HK3: variants seen among roughly 807,000 people sequenced by gnomAD.
HK3 encodes the protein hexokinase 3.
A neutral mutation model predicts 91.0 loss-of-function variants in HK3; 93 were observed. That is an observed-to-expected ratio of 1.02 (90% CI 0.86 to 1.21). The LOEUF (loss-of-function observed/expected upper bound fraction) is 1.21, where lower values mean the gene tolerates loss of function less well. Ranked by LOEUF, HK3 falls within the 50% of genes most tolerant of loss-of-function variation. The pLI is 0.00. For missense variants in HK3, 1,235 were observed against 1,247.4 expected (o/e 0.99, Z 0.15); for synonymous variants, 519 against 516.9 (o/e 1.00, Z -0.06).
chr5:176,897,221 G>A (rs1320656816), intron 1 of HK3, among the ~76,000 whole-genome samples: 2 of 152,202 alleles, frequency 1.3e-5, no homozygotes, highest in Non-Finnish European at 2.9e-5. Context: ...CAGTTCTTGT[G>A]AGGATTAAAG....
In HK3 at chr5:176,884,209, A is replaced by G; in HGVS notation, c.1858-75T>C. 8.3e-7 allele frequency: 1 copy of G among 1,207,604 alleles called. No individual in the cohort carries two copies. Among genetic ancestry groups the G allele is most frequent in the African/African-American group, 1.5e-5 (1 of 67,268 alleles). The allele number at this position is 1,207,604 out of a possible 1,614,324, so 74.8% of individuals were successfully genotyped here. The stretch of plus-strand genomic sequence containing the variant: ...CTCACTCTGCCTCTGCAAAACCTGC[A>G]TCCATCACAAGCCTAGGCTTTCCAC... On this transcript the variant is annotated intron_variant, in intron 13 of 18. Transcript: ENST00000292432. The surrounding 1 kb of genome is among the most constrained non-coding windows in gnomAD (Gnocchi z 4.1).
Position 176,887,094 on chromosome 5 carries a change from C to G in HK3, c.1765G>C (p.Val589Leu). 1 of 1,613,986 alleles carries G rather than the reference C, an allele frequency of 6.2e-7. No homozygotes were observed. The highest frequency in any genetic ancestry group is 8.5e-7 in the Non-Finnish European group (1 of 1,179,820). The change falls in exon 13 of 19, where the codon GTG becomes CTG. Residue 589 changes from valine (V) to leucine (L), a missense_variant. Coordinates refer to ENST00000292432, the MANE Select transcript of HK3 (RefSeq NM_002115.3). The surrounding 1 kb of genome is among the most constrained non-coding windows in gnomAD (Gnocchi z 4.9). Reference protein sequence around the residue: ...QLFDHIVDCIVDFQQKQGLSG... With the variant: ...QLFDHIVDCILDFQQKQGLSG... Reference sequence around the variant, plus strand: ...AGGCCCTGCTTCTGCTGGAAGTCCACGATGCAGTCCACGATGTGGTCAAAG... The same window carrying G: ...AGGCCCTGCTTCTGCTGGAAGTCCAGGATGCAGTCCACGATGTGGTCAAAG...
In HK3 at chr5:176,881,194, G is replaced by C; in HGVS notation, c.2651C>G (p.Thr884Arg). Reference sequence around the variant, plus strand: ...ACAGCGAGGGGCCAGCTCCCGCACTGTGGCCGCCACCAGGCTGGAGAAGCT... The same window carrying C: ...ACAGCGAGGGGCCAGCTCCCGCACTCTGGCCGCCACCAGGCTGGAGAAGCT... ...HPRFSSLVAATVRELAPRCVV... is the reference protein window; with the variant it reads ...HPRFSSLVAARVRELAPRCVV... Residue 884 changes from threonine to arginine, a missense_variant, in exon 19 of 19, where the codon ACA becomes AGA. This residue lies in a region of HK3 where 513 missense variants were observed against 477.4 expected (regional missense o/e 1.07). Transcript: ENST00000292432. 2 of 1,613,178 alleles carry C rather than the reference G, an allele frequency of 1.2e-6. No homozygotes were observed. The highest frequency in any genetic ancestry group is 1.7e-6 in the Non-Finnish European group (2 of 1,179,938).
In HK3 at chr5:176,887,617, G is replaced by A; in HGVS notation, c.1434C>T (p.Ala478=). The part of the protein sequence containing the change: ...MVTAVAARLA[A]HRRLLEETLA... ...GGGTCTCCTCCAGCAGGCGCCGGTG[G>A]GCAGCCAGACGGGCAGCCACGGCAG... Residue 478 remains alanine, a synonymous_variant, in exon 11 of 19, where the codon GCC becomes GCT. Coordinates refer to ENST00000292432, the MANE Select transcript of HK3 (RefSeq NM_002115.3). This position sits in a 1 kb window ranked among gnomAD's most constrained non-coding sequence, Gnocchi z 4.9. 1 of 1,613,734 alleles carries A rather than the reference G, an allele frequency of 6.2e-7. No homozygotes were observed. The highest frequency in any genetic ancestry group is 8.5e-7 in the Non-Finnish European group (1 of 1,179,982).
chr5:176,881,888 C>G, intron 16 of HK3, 41 bp from the exon 17 acceptor site: 1 of 1,611,992 alleles, frequency 6.2e-7, no homozygotes, highest in South Asian at 1.1e-5. Flanking sequence ...GCCCCACCAG[C>G]CACCATCCCC....
Position 176,889,584 on chromosome 5 carries a change from C to G in HK3, c.731-20G>C, listed in dbSNP as rs777212311. The G allele has an allele frequency of 3.1e-6, 5 of 1,614,158 alleles. No homozygotes were observed. Among genetic ancestry groups the G allele is most frequent in the Admixed American group, 3.3e-5 (2 of 60,038 alleles). ...CCGTGTCTGGCAGAGACAACCCTGT[C>G]AAGGCCTGCTAGCCAGGCAGCACAC... On this transcript the variant is annotated intron_variant, in intron 7 of 18. Coordinates refer to ENST00000292432, the MANE Select transcript of HK3 (RefSeq NM_002115.3).
chr5:176,884,477 T>C lies in HK3; in HGVS notation c.1858-343A>G, dbSNP rs1758530102. Among the ~76,000 whole-genome samples, 1 of 152,196 alleles carries C rather than the reference T, an allele frequency of 6.6e-6. No individual in the cohort carries two copies. Among genetic ancestry groups the C allele is most frequent in the Admixed American group, 6.5e-5 (1 of 15,280 alleles). On this transcript the variant is annotated intron_variant, in intron 13 of 18. Transcript: ENST00000292432. The surrounding 1 kb of genome is among the most constrained non-coding windows in gnomAD (Gnocchi z 4.1). ...CAGAGCTGGTAAAGTGAGTGCTGTG[T>C]GTGAGACAGGGGAGGACAGAGAAGG...
intron 2 of HK3, among the ~76,000 whole-genome samples, 159 bp from the exon 3 acceptor site, chr5:176,891,709 T>C (rs1345634367): frequency 6.6e-6 from 1 of 152,192 alleles, no homozygotes; most frequent in Non-Finnish European, 1.5e-5. Flanking sequence ...TCTGGCATCC[T>C]CAGAAGGCTC....
In HK3 at chr5:176,887,772, G is replaced by C. The variant is rs750884025; in HGVS notation, c.1305-26C>G. ...CTACAGATACATACAGGTGCACCCG[G>C]CTTGGCCCTGGACCCCCAGACACAC... On this transcript the variant is annotated intron_variant, in intron 10 of 18. Coordinates refer to ENST00000292432, the MANE Select transcript of HK3 (RefSeq NM_002115.3). The surrounding 1 kb of genome is among the most constrained non-coding windows in gnomAD (Gnocchi z 4.9). 1 of 1,576,748 alleles carries C rather than the reference G, an allele frequency of 6.3e-7. No individual in the cohort carries two copies. Among genetic ancestry groups the C allele is most frequent in the Non-Finnish European group, 8.6e-7 (1 of 1,157,458 alleles).
At chr5:176,897,467 T>C (rs1256976386) in intron 1 of HK3, among the ~76,000 whole-genome samples, 1 of 152,012 alleles carries the variant, frequency 6.6e-6, no homozygotes, top group African/African-American at 2.4e-5. Flanking sequence ...TCTGGAAATA[T>C]AGTACCTTCC....
chr5:176,894,573 A>G (rs479270), intron 2 of HK3, among the ~76,000 whole-genome samples: 18,439 of 152,106 alleles, frequency 0.12, 2,228 homozygotes, highest in African/African-American at 0.31. Flanking sequence ...GCTGTGGGTC[A>G]GGCACAGAAG....
rs746841412 is a variant in HK3 at position 176,881,332 on chromosome 5, A to AC, written c.2596dup (p.Val866GlyfsTer65). 24 of 1,613,138 alleles carry AC rather than the reference A, an allele frequency of 1.5e-5. No individual in the cohort carries two copies. The East Asian group carries it at 1.8e-4, about 12-fold the overall frequency. On this transcript the variant is annotated frameshift_variant, in exon 18 of 19. Transcript: ENST00000292432. LOFTEE classifies it high-confidence loss of function. ...GTGCAGCTTGTAGAGCGTTCCATCCACCCCCACAGACACTGCCAGCTCTTC... is the reference window on the plus strand; with the variant it reads ...GTGCAGCTTGTAGAGCGTTCCATCCACCCCCCACAGACACTGCCAGCTCTTC...
In HK3 at chr5:176,887,039, G is replaced by A. The variant is rs1758605536; in HGVS notation, c.1820C>T (p.Thr607Ile). The A allele has an allele frequency of 6.2e-7, 1 of 1,614,176 alleles. No homozygotes were observed. Among genetic ancestry groups the A allele is most frequent in the Non-Finnish European group, 8.5e-7 (1 of 1,180,038 alleles). ...LSGQSLPLGF[T>I]FSFPCRQLGL... Reference sequence around the variant, plus strand: ...AAGCTGCCTACATGGGAAGGAGAAGGTAAAACCCAGTGGGAGGCTCTGCCC... The same window carrying A: ...AAGCTGCCTACATGGGAAGGAGAAGATAAAACCCAGTGGGAGGCTCTGCCC... The change falls in exon 13 of 19, where the codon ACC becomes ATC. Residue 607 changes from threonine to isoleucine, a missense_variant. Thr to Ile is a moderately conservative substitution (Grantham distance 89). Transcript: ENST00000292432. The surrounding 1 kb of genome is among the most constrained non-coding windows in gnomAD (Gnocchi z 4.9).
At position 176,887,110 on chromosome 5, in the gene HK3, G is replaced by A. The variant is rs754718959; in HGVS notation, c.1749C>T (p.His583=). 4 of 1,614,222 alleles carry A rather than the reference G, an allele frequency of 2.5e-6. No homozygotes were observed. Among genetic ancestry groups the A allele is most frequent in the South Asian group, 2.2e-5 (2 of 91,086 alleles). The change falls in exon 13 of 19, where the codon CAC becomes CAT. Residue 583 remains histidine (H), a synonymous_variant. Transcript: ENST00000292432. The surrounding 1 kb of genome is among the most constrained non-coding windows in gnomAD (Gnocchi z 4.9). Reference sequence around the variant, plus strand: ...GGAAGTCCACGATGCAGTCCACGATGTGGTCAAAGAGCTGTGGGGCAGGAC... The same window carrying A: ...GGAAGTCCACGATGCAGTCCACGATATGGTCAAAGAGCTGTGGGGCAGGAC... ...AQGSGQQLFD[H]IVDCIVDFQQ...
chr5:176,882,194 C>T (rs1326423419), intron 15 of HK3, 67 bp from the exon 16 acceptor site: 1 of 1,546,314 alleles, frequency 6.5e-7, no homozygotes, highest in Non-Finnish European at 8.8e-7. Flanking sequence ...GAGCACTTCC[C>T]ATACCGAGAT....
In HK3 at chr5:176,888,879, G is replaced by C. The variant is rs73341829; in HGVS notation, c.915-15C>G. The C allele has an allele frequency of 1.9e-6, 3 of 1,607,722 alleles. No homozygotes were observed. The highest frequency in any genetic ancestry group is 2.7e-5 in the African/African-American group (2 of 74,646). Reference sequence around the variant, plus strand: ...TCTTCTCAAACCTGCAGGGGGGAAGGGTGGCTGGAGGAAGCCTTTTCTAAG... The same window carrying C: ...TCTTCTCAAACCTGCAGGGGGGAAGCGTGGCTGGAGGAAGCCTTTTCTAAG... On this transcript the variant is annotated splice_polypyrimidine_tract_variant and intron_variant, in intron 8 of 18. Coordinates refer to ENST00000292432, the MANE Select transcript of HK3 (RefSeq NM_002115.3).
At chr5:176,883,293 A>G (rs1194508304) in intron 15 of HK3, among the ~76,000 whole-genome samples, 1 of 152,162 alleles carries the variant, frequency 6.6e-6, no homozygotes, top group African/African-American at 2.4e-5. Context: ...CTCATTGCTC[A>G]TTGGTCCCCT....
Position 176,882,018 on chromosome 5 carries a change from A to C in HK3, c.2163T>G (p.Asp721Glu). ...INMEWGAFGD[D>E]GSLAMLSTRF... ...GGGTGCTGAGCATGGCCAGAGAGCC[A>C]TCGTCCCCAAAGGCGCCCCACTCCA... Residue 721 changes from aspartate (D) to glutamate (E), a missense_variant, in exon 16 of 19, where the codon GAT (aspartate) becomes GAG (glutamate). Transcript: ENST00000292432. 1 of 1,613,284 alleles carries C rather than the reference A, an allele frequency of 6.2e-7. No individual in the cohort carries two copies. Among genetic ancestry groups the C allele is most frequent in the Non-Finnish European group, 8.5e-7 (1 of 1,180,014 alleles).
At chr5:176,894,083 G>A (rs1436755622) in intron 2 of HK3, among the ~76,000 whole-genome samples, 2 of 152,202 alleles carry the variant, frequency 1.3e-5, no homozygotes, top group Admixed American at 1.3e-4. Context: ...CAAACCTGAA[G>A]TGGAGGAACA....
Sources: gnomAD v4.1 joint callset for allele counts (sites outside exome capture counted in the v4.1 genomes callset) on GRCh38, gnomAD v4.1.1 for gene constraint, gnomAD v4.1.1 regional missense constraint, Gnocchi (gnomAD v3.1) non-coding constraint, MANE v1.5 for transcripts, NCBI Gene and HGNC (gene_info 2026-07-23, HGNC 2026-07-21) for gene names.